Variants in GRK7 observed in about 807,000 individuals in gnomAD.
The protein encoded by GRK7 is G protein-coupled receptor kinase 7.
A neutral mutation model predicts 34.1 loss-of-function variants in GRK7; 24 were observed. That is an observed-to-expected ratio of 0.70 (90% CI 0.51 to 0.99). The LOEUF (loss-of-function observed/expected upper bound fraction) is 0.99, where lower values mean the gene tolerates loss of function less well. GRK7 is among the 50% of genes least tolerant of loss of function. GRK7 has a pLI of 0.00. For missense variants in GRK7, 644 were observed against 707.3 expected, an observed-to-expected ratio of 0.91 and a Z score of 1.02; for synonymous variants, 256 against 279.4, an observed-to-expected ratio of 0.92 and a Z score of 0.84.
intron 5 of GRK7, among the ~76,000 whole-genome samples, chr3:141,813,617 C>T (rs1467776434): frequency 1.3e-5 from 2 of 152,134 alleles, no homozygotes; most frequent in Non-Finnish European, 2.9e-5. Context: ...CCTTTTGATC[C>T]AGGTCTCCAT....
In GRK7 at chr3:141,769,556, A is replaced by G. The variant is rs138897095; in HGVS notation, c.-215+3818A>G. On this transcript the variant is annotated intron_variant, in intron 1 of 5. Transcript: ENST00000682958. Reference sequence around the variant, plus strand: ...AAAGGATGGCTTAACTGATAATGGTACAGGAGTTGGTCATCATCCTGTTTG... The same window carrying G: ...AAAGGATGGCTTAACTGATAATGGTGCAGGAGTTGGTCATCATCCTGTTTG... Among the ~76,000 whole-genome samples the G allele has an allele frequency of 9.1e-4, 139 of 152,344 alleles. 1 individual carries two copies. The highest frequency in any genetic ancestry group is 6.6e-3 in the Admixed American group (101 of 15,304).
intron 4 of GRK7, among the ~76,000 whole-genome samples, chr3:141,782,835 G>A (rs149093132): frequency 7.6e-4 from 116 of 152,014 alleles, no homozygotes; most frequent in African/African-American, 2.6e-3. Flanking sequence ...AGAAGTAGGA[G>A]GAAAGGCAAG....
intron 4 of GRK7, among the ~76,000 whole-genome samples, chr3:141,788,208 C>A (rs1174562445): frequency 6.6e-6 from 1 of 152,098 alleles, no homozygotes; most frequent in Non-Finnish European, 1.5e-5. Context: ...GGGTAAAGTA[C>A]TTTGGATGTT....
intron 5 of GRK7, among the ~76,000 whole-genome samples, chr3:141,810,861 C>A (rs1711086126): frequency 6.6e-6 from 1 of 152,112 alleles, no homozygotes; most frequent in South Asian, 2.1e-4. Flanking sequence ...GATATGGTGA[C>A]CACTGACAAT....
intron 4 of GRK7, among the ~76,000 whole-genome samples, chr3:141,794,880 C>G (rs1026367365): frequency 6.6e-6 from 1 of 152,096 alleles, no homozygotes; most frequent in Non-Finnish European, 1.5e-5. Context: ...CAAGCACAGA[C>G]TTAGACCCTG....
At chr3:141,793,039 G>C (rs1339242289) in intron 4 of GRK7, among the ~76,000 whole-genome samples, 2 of 152,200 alleles carry the variant, frequency 1.3e-5, no homozygotes, top group Non-Finnish European at 2.9e-5. Context: ...GCTCCATGGG[G>C]ACAGAAGCTT....
At chr3:141,801,281 A>G (rs1710961226) in intron 4 of GRK7, among the ~76,000 whole-genome samples, 1 of 140,578 alleles carries the variant, frequency 7.1e-6, no homozygotes. Flanking sequence ...ACTGCACTCC[A>G]GCCTGGGCGA....
intron 4 of GRK7, among the ~76,000 whole-genome samples, chr3:141,793,307 C>T (rs375714187): frequency 6.6e-6 from 1 of 152,168 alleles, no homozygotes; most frequent in Non-Finnish European, 1.5e-5. Context: ...GGACTGAGCC[C>T]TCACCCTGTA....
chr3:141,783,945 T>C (rs1471692724), intron 4 of GRK7, among the ~76,000 whole-genome samples: 1 of 152,178 alleles, frequency 6.6e-6, no homozygotes, highest in East Asian at 1.9e-4. Context: ...CATGTCTGCC[T>C]AGGCTGGAGA....
At chr3:141,781,482 A>G (rs2084672173) in intron 4 of GRK7, among the ~76,000 whole-genome samples, 1 of 151,472 alleles carries the variant, frequency 6.6e-6, no homozygotes, top group African/African-American at 2.4e-5. Flanking sequence ...AGTTGTAGTG[A>G]GCCGAGATCA....
chr3:141,753,266 C>T, the GRK7 span, among the ~76,000 whole-genome samples: 1 of 152,174 alleles, frequency 6.6e-6, no homozygotes, highest in Non-Finnish European at 1.5e-5. Flanking sequence ...TACAAACAAA[C>T]TTCATTTATA....
intron 4 of GRK7, among the ~76,000 whole-genome samples, chr3:141,798,458 C>G (rs936311546): frequency 6.6e-6 from 1 of 152,190 alleles, no homozygotes; most frequent in Non-Finnish European, 1.5e-5. Flanking sequence ...AACACATACA[C>G]ACACACACAC....
chr3:141,807,708 G>A lies in GRK7; in HGVS notation c.1114G>A (p.Val372Met), dbSNP rs1711050148. The A allele has an allele frequency of 2.5e-6, 4 of 1,613,962 alleles. No individual in the cohort carries two copies. Among genetic ancestry groups the A allele is most frequent in the African/African-American group, 1.3e-5 (1 of 75,024 alleles). Residue 372 changes from valine to methionine, a missense_variant, in exon 5 of 6, where the codon GTG (valine) becomes ATG (methionine). Physicochemically the swap from Val to Met is conservative, Grantham distance 21 (BLOSUM62 1). Coordinates refer to ENST00000682958, the MANE Select transcript of GRK7 (RefSeq NM_139209.3). ...GGAAAAGGTAAGTTATTCCTATCCT[G>A]TGGACTGGTTTGCCATGGGATGCAG... Reference protein sequence around the residue: ...LMEKVSYSYPVDWFAMGCSIY... With the variant: ...LMEKVSYSYPMDWFAMGCSIY...
At chr3:141,784,533 C>T (rs993445760) in intron 4 of GRK7, among the ~76,000 whole-genome samples, 1 of 152,202 alleles carries the variant, frequency 6.6e-6, no homozygotes, top group African/African-American at 2.4e-5. Flanking sequence ...CCCTTCTACA[C>T]AGCTAAGTAA....
intron 4 of GRK7, among the ~76,000 whole-genome samples, chr3:141,803,736 C>T (rs1710995610): frequency 6.6e-6 from 1 of 152,212 alleles, no homozygotes; most frequent in African/African-American, 2.4e-5. Flanking sequence ...CTCTCCCCTC[C>T]CCCAAGACGG....
At chr3:141,803,931 C>T (rs201604083) in intron 4 of GRK7, among the ~76,000 whole-genome samples, 2 of 151,926 alleles carry the variant, frequency 1.3e-5, no homozygotes, top group Admixed American at 1.3e-4. Flanking sequence ...AGGCTGGTCT[C>T]AACTCCTGAT....
At chr3:141,813,052 C>A (rs746118754) in intron 5 of GRK7, among the ~76,000 whole-genome samples, 24 of 152,146 alleles carry the variant, frequency 1.6e-4, no homozygotes, top group Admixed American at 1.3e-4. Context: ...CCATCTGATA[C>A]CTTTAAAAGG....
chr3:141,763,523 C>T lies in GRK7; in HGVS notation c.-2430C>T, dbSNP rs1428609333. Among the ~76,000 whole-genome samples, 1 of 152,194 alleles carries T rather than the reference C, an allele frequency of 6.6e-6. No individual in the cohort carries two copies. The highest frequency in any genetic ancestry group is 1.9e-4 in the East Asian group (1 of 5,196). ...CAGACGAGGAACCAGGGCCCCAGTG[C>T]TGTGCCTAAGACCTCCTTCAACTTA... On this transcript the variant is annotated 5_prime_UTR_variant, in exon 1 of 6. Transcript: ENST00000682958.
chr3:141,817,048 T>C lies in GRK7; in HGVS notation c.1660T>C (p.Ter554GlnextTer30). Residue 554 changes from the stop codon to glutamine, a stop_lost, in exon 6 of 6, where the codon TAA becomes CAA. Transcript: ENST00000682958. ...CAAGTCTGGCGTGTGTTTGTTATTG[T>C]AAATTGCTCTCTTTACCAGACAGGC... ...SSKSGVCLLL* is the reference protein window; with the variant it reads ...SSKSGVCLLLQ The C allele has an allele frequency of 6.3e-7, 1 of 1,588,882 alleles. No individual in the cohort carries two copies. Among genetic ancestry groups the C allele is most frequent in the Non-Finnish European group, 8.5e-7 (1 of 1,170,902 alleles).
Sources: allele counts gnomAD v4.1 joint callset (sites outside exome capture counted in the v4.1 genomes callset), GRCh38; gene constraint gnomAD v4.1.1; transcripts MANE v1.5; gene names NCBI Gene and HGNC (gene_info 2026-07-23, HGNC 2026-07-21).